Variants in ERP44 observed in about 807,000 individuals in gnomAD.
ERP44 encodes endoplasmic reticulum protein 44, also known as endoplasmic reticulum resident protein 44.
A neutral mutation model predicts 53.4 loss-of-function variants in ERP44; 25 were observed. The ratio of observed to expected loss-of-function variants is 0.47; its 90% CI spans 0.34 to 0.65. The LOEUF is 0.65. Ranked by LOEUF, ERP44 falls within the 30% of genes least tolerant of loss-of-function variation. ERP44 has a pLI of 0.01. For missense variants in ERP44, 338 were observed against 493.2 expected, an observed-to-expected ratio of 0.69 and a Z score of 2.98; for synonymous variants, 145 against 161.2, an observed-to-expected ratio of 0.90 and a Z score of 0.76.
At chr9:100,053,422 G>GT (rs2118709169) in intron 3 of ERP44, among the ~76,000 whole-genome samples, 1 of 152,228 alleles carries the variant, frequency 6.6e-6, no homozygotes, top group African/African-American at 2.4e-5. Flanking sequence ...GTCATGTGGT[G>GT]TTTAACGACA....
rs1830569295 is a variant in ERP44, at chr9:100,020,010, A to C, written c.587+606T>G. ...AAGAAAGGTGAAATTATAGCTTAAGAGAAGAGGCAGGTCAGGAAAGAAAGA... is the reference window on the plus strand; with the variant it reads ...AAGAAAGGTGAAATTATAGCTTAAGCGAAGAGGCAGGTCAGGAAAGAAAGA... On this transcript the variant is annotated intron_variant, in intron 6 of 11. Coordinates refer to ENST00000262455, the MANE Select transcript of ERP44 (RefSeq NM_015051.3). Among the ~76,000 whole-genome samples, 3 of 152,224 alleles carry C rather than the reference A, an allele frequency of 2.0e-5. No homozygotes were observed. The South Asian group carries it at 6.2e-4, about 31-fold the overall frequency.
At chr9:100,006,720 C>T in intron 9 of ERP44, 73 bp from the exon 10 acceptor site, 1 of 1,010,494 alleles carries the variant, frequency 9.9e-7, no homozygotes, top group Non-Finnish European at 1.4e-6. Flanking sequence ...TGCAAGCTCA[C>T]AAAAAGTGAC....
chr9:99,986,890 C>T (rs1284948824), intron 10 of ERP44, among the ~76,000 whole-genome samples: 1 of 152,154 alleles, frequency 6.6e-6, no homozygotes, highest in Admixed American at 6.5e-5. Context: ...CTACTGTCAC[C>T]CACAGCAAGT....
intron 4 of ERP44, among the ~76,000 whole-genome samples, chr9:100,036,204 C>T (rs1191814148): frequency 6.6e-6 from 1 of 152,220 alleles, no homozygotes; most frequent in African/African-American, 2.4e-5. Flanking sequence ...CAACTGATTA[C>T]TATGCAGCCA....
intron 4 of ERP44, among the ~76,000 whole-genome samples, chr9:100,034,874 G>A (rs1423963179): frequency 1.3e-5 from 2 of 152,076 alleles, no homozygotes; most frequent in African/African-American, 4.8e-5. Flanking sequence ...TACAAAAACA[G>A]ACACATAGAA....
intron 4 of ERP44, among the ~76,000 whole-genome samples, chr9:100,041,324 C>T (rs1205914305): frequency 1.3e-5 from 2 of 151,940 alleles, no homozygotes; most frequent in African/African-American, 4.8e-5. Context: ...GGGCAAAAAT[C>T]GCAATTACTT....
Position 100,083,243 on chromosome 9 carries a change from T to C in ERP44, c.57+15541A>G, listed in dbSNP as rs150089818. Among the ~76,000 whole-genome samples the C allele has an allele frequency of 5.3e-3, 802 of 152,082 alleles. 9 individuals are homozygous for C. The highest frequency in any genetic ancestry group is 0.018 in the African/African-American group (731 of 41,484). On this transcript the variant is annotated intron_variant, in intron 1 of 11. Coordinates refer to ENST00000262455, the MANE Select transcript of ERP44 (RefSeq NM_015051.3). The stretch of plus-strand genomic sequence containing the variant: ...TAATATTATTTGTAATAGCAAAAGA[T>C]TGGAAACAACCTGAATATTCATCAA...
chr9:100,027,744 C>T (rs774561283), intron 4 of ERP44, among the ~76,000 whole-genome samples: 4 of 152,110 alleles, frequency 2.6e-5, no homozygotes, highest in African/African-American at 9.7e-5. Flanking sequence ...GCCTCATACT[C>T]GTTTCAGCAA....
At chr9:100,005,907 C>T (rs1830420627) in intron 10 of ERP44, among the ~76,000 whole-genome samples, 1 of 152,218 alleles carries the variant, frequency 6.6e-6, no homozygotes, top group African/African-American at 2.4e-5. Flanking sequence ...CTGTATTTAA[C>T]ACCTCACAAA....
At chr9:100,055,528 T>C (rs1367467905) in intron 3 of ERP44, among the ~76,000 whole-genome samples, 1 of 152,114 alleles carries the variant, frequency 6.6e-6, no homozygotes, top group Non-Finnish European at 1.5e-5. Flanking sequence ...GCCTGCCACG[T>C]CCGGCTAATT....
Position 100,098,900 on chromosome 9 carries a change from G to T in ERP44, c.-60C>A. On this transcript the variant is annotated 5_prime_UTR_variant, in exon 1 of 12. Coordinates refer to ENST00000262455, the MANE Select transcript of ERP44 (RefSeq NM_015051.3). The stretch of plus-strand genomic sequence containing the variant: ...GGCGGCTGGGACTGGGCTAGGTTGG[G>T]TTGGGTTAGGAAAGGGCTGGGCTCC... The T allele has an allele frequency of 6.8e-7, 1 of 1,471,944 alleles. No individual in the cohort carries two copies. The allele number at this position is 1,471,944 out of a possible 1,614,324, so 91.2% of individuals were successfully genotyped here. A position where few individuals can be genotyped will look rare whatever the true frequency, so the allele number is the denominator to read the frequency against.
At chr9:100,036,466 G>T (rs1021891672) in intron 4 of ERP44, among the ~76,000 whole-genome samples, 1 of 152,142 alleles carries the variant, frequency 6.6e-6, no homozygotes, top group Non-Finnish European at 1.5e-5. Flanking sequence ...ACATAAAGAT[G>T]AGAACAATAG....
intron 1 of ERP44, among the ~76,000 whole-genome samples, chr9:100,080,609 A>T (rs1440900707): frequency 1.3e-5 from 2 of 152,194 alleles, no homozygotes; most frequent in African/African-American, 4.8e-5. Flanking sequence ...GCTAATAGAA[A>T]GCATTACAGA....
At chr9:99,989,012 TA>T (rs1180969730) in intron 10 of ERP44, among the ~76,000 whole-genome samples, 12 of 152,290 alleles carry the variant, frequency 7.9e-5, no homozygotes, top group African/African-American at 2.9e-4. Flanking sequence ...GAGGCTTGAC[TA>T]GGTAAACAAA....
At chr9:100,032,242 C>T (rs1427374046) in intron 4 of ERP44, among the ~76,000 whole-genome samples, 1 of 152,158 alleles carries the variant, frequency 6.6e-6, no homozygotes, top group African/African-American at 2.4e-5. Context: ...CCTGTTCCTC[C>T]AGGGCTCCAC....
chr9:100,068,271 G>A (rs1458320326), intron 1 of ERP44, among the ~76,000 whole-genome samples: 8 of 141,828 alleles, frequency 5.6e-5, no homozygotes, highest in African/African-American at 1.3e-4. Flanking sequence ...CTGCCCAGCC[G>A]CCCCTACTGG....
At chr9:100,019,475 G>A (rs1830561255) in intron 6 of ERP44, among the ~76,000 whole-genome samples, 1 of 152,128 alleles carries the variant, frequency 6.6e-6, no homozygotes, top group African/African-American at 2.4e-5. Flanking sequence ...GTCAAAAAAT[G>A]GAGAGGATAT....
chr9:100,041,195 A>G (rs989560011), intron 4 of ERP44, among the ~76,000 whole-genome samples: 2 of 152,210 alleles, frequency 1.3e-5, no homozygotes, highest in Non-Finnish European at 2.9e-5. Context: ...AGCCAAAGTT[A>G]TCTTAAGCAA....
chr9:99,981,186 A>G lies in ERP44; in HGVS notation c.*1426T>C, dbSNP rs972216667. The G allele has an allele frequency of 2.6e-5, 4 of 152,210 alleles. No individual in the cohort carries two copies. The highest frequency in any genetic ancestry group is 9.7e-5 in the African/African-American group (4 of 41,442). The allele number at this position is 152,210 out of a possible 1,614,324, so 9.4% of individuals were successfully genotyped here. A position where few individuals can be genotyped will look rare whatever the true frequency, so the allele number is the denominator to read the frequency against. ...ACTTTCTTATTCACAATTTGATACA[A>G]TACATTAAATATACCCCTTATCACC... On this transcript the variant is annotated 3_prime_UTR_variant, in exon 12 of 12. Transcript: ENST00000262455.
Sources: allele counts gnomAD v4.1 joint callset (sites outside exome capture counted in the v4.1 genomes callset), GRCh38; gene constraint gnomAD v4.1.1; transcripts MANE v1.5; gene names NCBI Gene and HGNC (gene_info 2026-07-23, HGNC 2026-07-21).